The following NCMAP variants were observed in gnomAD, a reference collection of about 807,000 sequenced individuals.
The protein encoded by NCMAP is noncompact myelin-associated protein.
A neutral mutation model predicts 7.8 loss-of-function variants in NCMAP; 8 were observed. That is an observed-to-expected ratio of 1.02 (90% CI 0.60 to 1.84). The LOEUF (loss-of-function observed/expected upper bound fraction) is 1.84. NCMAP is among the 40% of genes most tolerant of loss of function. The pLI, the probability that NCMAP is intolerant of heterozygous loss-of-function variation, is 0.00. For missense variants in NCMAP, 112 were observed against 131.4 expected (o/e 0.85, Z 0.72); for synonymous variants, 41 against 52.9 (o/e 0.78, Z 0.98).
chr1:24,597,615 A>AGAG (rs1557602474), intron 2 of NCMAP, among the ~76,000 whole-genome samples: 3 of 69,026 alleles, frequency 4.3e-5, no homozygotes, highest in Non-Finnish European at 8.5e-5. Context: ...GAAAGAAAGA[A>AGAG]AGAGAAAGAA....
At chr1:24,584,195 C>T (rs992928603) in intron 1 of NCMAP, among the ~76,000 whole-genome samples, 2 of 152,156 alleles carry the variant, frequency 1.3e-5, no homozygotes, top group African/African-American at 2.4e-5. Flanking sequence ...CTATGGAGGT[C>T]GAGGACTCTC....
At chr1:24,564,295 A>T (rs975006578) in intron 1 of NCMAP, among the ~76,000 whole-genome samples, 1 of 151,890 alleles carries the variant, frequency 6.6e-6, no homozygotes. Flanking sequence ...AGATCATTTG[A>T]GATCAGGAGT....
At position 24,605,983 on chromosome 1, in the gene NCMAP, C is replaced by T; in HGVS notation, c.*236C>T. 1.9e-6 allele frequency: 1 copy of T among 520,954 alleles called. No individual in the cohort carries two copies. The highest frequency in any genetic ancestry group is 3.4e-6 in the Non-Finnish European group (1 of 292,456). The allele number at this position is 520,954 out of a possible 1,614,324, so 32.3% of individuals were successfully genotyped here. ...AAAAAGCTGCAGAACATTCTTTTGTCATCTGATGAGGTAGAGCTATGTTGG... is the reference window on the plus strand; with the variant it reads ...AAAAAGCTGCAGAACATTCTTTTGTTATCTGATGAGGTAGAGCTATGTTGG... On this transcript the variant is annotated 3_prime_UTR_variant, in exon 4 of 4. Coordinates refer to ENST00000374392, the MANE Select transcript of NCMAP (RefSeq NM_001010980.5).
intron 1 of NCMAP, among the ~76,000 whole-genome samples, chr1:24,556,640 A>G (rs1650904492): frequency 6.6e-6 from 1 of 152,050 alleles, no homozygotes; most frequent in African/African-American, 2.4e-5. Flanking sequence ...CACGGCAGAG[A>G]AGGAGCCCAG....
In NCMAP at chr1:24,567,171, G is replaced by A. The variant is rs528369338; in HGVS notation, c.-8+11002G>A. On this transcript the variant is annotated intron_variant, in intron 1 of 3. Transcript: ENST00000374392. ...TTCCACGCAGCCCATACGCACACATGCATTCACGCATTTATTCATTCAAGT... is the reference window on the plus strand; with the variant it reads ...TTCCACGCAGCCCATACGCACACATACATTCACGCATTTATTCATTCAAGT... Among the ~76,000 whole-genome samples the A allele has an allele frequency of 2.0e-5, 3 of 152,264 alleles. No individual in the cohort carries two copies. The South Asian group carries it at 6.2e-4, about 32-fold the overall frequency.
At chr1:24,568,429 G>A (rs755363589) in intron 1 of NCMAP, among the ~76,000 whole-genome samples, 7 of 152,180 alleles carry the variant, frequency 4.6e-5, no homozygotes, top group Non-Finnish European at 8.8e-5. Flanking sequence ...GGACCTCGGT[G>A]ATGCTAGATC....
At chr1:24,595,959 A>C (rs1247111233) in intron 2 of NCMAP, among the ~76,000 whole-genome samples, 2 of 151,806 alleles carry the variant, frequency 1.3e-5, no homozygotes, top group Admixed American at 1.3e-4. Flanking sequence ...CTCTGGTAAC[A>C]TACTAAGTAC....
chr1:24,595,104 T>C (rs760204366), intron 1 of NCMAP, among the ~76,000 whole-genome samples: 96 of 152,290 alleles, frequency 6.3e-4, no homozygotes, highest in Non-Finnish European at 1.2e-3. Context: ...TTGGGGACTT[T>C]GATTTCACCA....
chr1:24,576,248 C>T lies in NCMAP; in HGVS notation c.-7-19176C>T, dbSNP rs1651555418. Among the ~76,000 whole-genome samples, 1 of 152,172 alleles carries T rather than the reference C, an allele frequency of 6.6e-6. No individual in the cohort carries two copies. Among genetic ancestry groups the T allele is most frequent in the South Asian group, 2.1e-4 (1 of 4,832 alleles). On this transcript the variant is annotated intron_variant, in intron 1 of 3. Coordinates refer to ENST00000374392, the MANE Select transcript of NCMAP (RefSeq NM_001010980.5). This position sits in a 1 kb window ranked among gnomAD's most constrained non-coding sequence, Gnocchi z 4.0. ...ACCTCCTGACAAAGCTGGGGGCTGG[C>T]ACTGCTGCTTGAGAGGGTGGGAAGA...
At chr1:24,584,871 G>A (rs552076822) in intron 1 of NCMAP, among the ~76,000 whole-genome samples, 4 of 150,176 alleles carry the variant, frequency 2.7e-5, no homozygotes, top group Admixed American at 1.4e-4. Context: ...CCCTCTTTGC[G>A]TCTTCTCAGT....
chr1:24,558,476 C>T (rs1238496515), intron 1 of NCMAP, among the ~76,000 whole-genome samples: 2 of 152,178 alleles, frequency 1.3e-5, no homozygotes, highest in African/African-American at 4.8e-5. Flanking sequence ...TCCCCATCCC[C>T]TCTCTCACAT....
At chr1:24,575,208 C>G (rs1651514864) in intron 1 of NCMAP, among the ~76,000 whole-genome samples, 1 of 151,716 alleles carries the variant, frequency 6.6e-6, no homozygotes, top group African/African-American at 2.4e-5. Flanking sequence ...GAGACTTTGT[C>G]TCAGATAAAA....
chr1:24,565,744 C>T (rs1025293006), intron 1 of NCMAP, among the ~76,000 whole-genome samples: 3 of 151,584 alleles, frequency 2.0e-5, no homozygotes, highest in Non-Finnish European at 4.4e-5. Context: ...ACTACAGGTG[C>T]ACACCATCAT....
chr1:24,562,195 T>C (rs1004892738), intron 1 of NCMAP, among the ~76,000 whole-genome samples: 3 of 152,238 alleles, frequency 2.0e-5, no homozygotes, highest in African/African-American at 7.2e-5. Flanking sequence ...TCCAAGTTCC[T>C]ACCTAATTCC....
chr1:24,597,730 T>A (rs886141641), intron 2 of NCMAP, among the ~76,000 whole-genome samples: 2 of 151,822 alleles, frequency 1.3e-5, no homozygotes, highest in Non-Finnish European at 2.9e-5. Flanking sequence ...CTCAACTAGG[T>A]GTTTTTGCCC....
At chr1:24,564,563 T>C (rs1232919309) in intron 1 of NCMAP, among the ~76,000 whole-genome samples, 1 of 102,126 alleles carries the variant, frequency 9.8e-6, no homozygotes, top group Non-Finnish European at 2.0e-5. Context: ...ATGGAGAGTA[T>C]ACGTATGATT....
chr1:24,591,080 G>A (rs753473083), intron 1 of NCMAP, among the ~76,000 whole-genome samples: 1 of 152,200 alleles, frequency 6.6e-6, no homozygotes, highest in South Asian at 2.1e-4. Flanking sequence ...AAAAGGATAT[G>A]AGAAAGAACA....
intron 3 of NCMAP, among the ~76,000 whole-genome samples, chr1:24,601,628 G>A (rs775433093): frequency 2.8e-4 from 42 of 152,206 alleles, no homozygotes; most frequent in Non-Finnish European, 5.6e-4. Flanking sequence ...TATCGTGGCC[G>A]GGTGTGGTAG....
chr1:24,601,911 T>G (rs531242468), intron 3 of NCMAP, among the ~76,000 whole-genome samples: 6 of 151,772 alleles, frequency 4.0e-5, no homozygotes, highest in Middle Eastern at 3.4e-3. Context: ...TGTGGCGGCG[T>G]GCGCCTGTAG....
Sources: gnomAD v4.1 joint callset for allele counts (sites outside exome capture counted in the v4.1 genomes callset) on GRCh38, gnomAD v4.1.1 for gene constraint, Gnocchi (gnomAD v3.1) non-coding constraint, MANE v1.5 for transcripts, NCBI Gene and HGNC (gene_info 2026-07-23, HGNC 2026-07-21) for gene names.